NVL: variants seen among roughly 807,000 people sequenced by gnomAD.
NVL encodes nuclear VCP like, also known as nuclear valosin-containing protein-like.
A neutral mutation model predicts 110.2 loss-of-function variants in NVL; 84 were observed. The ratio of observed to expected loss-of-function variants is 0.76; its 90% CI spans 0.64 to 0.91. The LOEUF (loss-of-function observed/expected upper bound fraction) is 0.91, where lower values mean the gene tolerates loss of function less well. Ranked by LOEUF, NVL falls within the 40% of genes least tolerant of loss-of-function variation. The probability of loss-of-function intolerance (pLI) is 0.00; values close to 1 mark genes in which losing one functional copy is unlikely to be tolerated. For missense variants in NVL, 882 were observed against 1,035.9 expected (o/e 0.85, Z 2.04); for synonymous variants, 354 against 361.1 (o/e 0.98, Z 0.22).
intron 4 of NVL, 48 bp from the exon 5 acceptor site, chr1:224,311,905 C>T (rs778491668): frequency 6.9e-7 from 1 of 1,457,652 alleles, no homozygotes; most frequent in African/African-American, 1.4e-5. Context: ...TCTCCCATAT[C>T]CTAAAAAAAT....
In NVL at chr1:224,308,156, T is replaced by C. The variant is rs1669121142; in HGVS notation, c.450A>G (p.Thr150=). The C allele has an allele frequency of 6.2e-7, 1 of 1,613,992 alleles. No individual in the cohort carries two copies. Among genetic ancestry groups the C allele is most frequent in the African/African-American group, 1.3e-5 (1 of 74,918 alleles). The change falls in exon 6 of 23, where the codon ACA becomes ACG. Residue 150 remains threonine (T), a synonymous_variant. Coordinates refer to ENST00000281701, the MANE Select transcript of NVL (RefSeq NM_002533.4). ...EMEQRETTSS[T]PRISSKTGSI... ...AGCCTGTTTTGGAACTTATCCGTGG[T>C]GTTGAAGAGGTGGTTTCTCTTTGCT...
chr1:224,307,721 A>G (rs1320302364), intron 6 of NVL, among the ~76,000 whole-genome samples: 6 of 133,694 alleles, frequency 4.5e-5, no homozygotes, highest in Non-Finnish European at 6.5e-5. Flanking sequence ...AAAAAAAAAA[A>G]GCTATCTCTC....
chr1:224,244,198 T>C (rs1661541711), intron 19 of NVL, among the ~76,000 whole-genome samples: 2 of 150,916 alleles, frequency 1.3e-5, no homozygotes, highest in Admixed American at 6.6e-5. Flanking sequence ...AAAAACCCTG[T>C]CTCTACTAAA....
intron 10 of NVL, chr1:224,297,592 A>G (rs1424710090): frequency 6.5e-6 from 1 of 154,640 alleles, no homozygotes; most frequent in Non-Finnish European, 1.4e-5. Context: ...ACACTTAAAA[A>G]TGTTTAAAAT....
intron 4 of NVL, chr1:224,312,696 C>G (rs1204816778): frequency 6.6e-6 from 1 of 151,818 alleles, no homozygotes; most frequent in Non-Finnish European, 1.5e-5. Context: ...GAAAATACGC[C>G]TGTAATCCCA....
intron 18 of NVL, among the ~76,000 whole-genome samples, chr1:224,257,407 T>C (rs1455819448): frequency 6.6e-6 from 1 of 152,236 alleles, no homozygotes; most frequent in Non-Finnish European, 1.5e-5. Context: ...GAAAACATTA[T>C]TTTGTTATAA....
rs375233840 is a variant in NVL at position 224,303,790 on chromosome 1, G to T, written c.893C>A (p.Pro298His). The T allele has an allele frequency of 6.2e-7, 1 of 1,613,574 alleles. No individual in the cohort carries two copies. Among genetic ancestry groups the T allele is most frequent in the Non-Finnish European group, 8.5e-7 (1 of 1,179,768 alleles). ...EVYHHLGVVP[P>H]RGVLLHGPPG... ...TGGTCCATGAAGGAGAACTCCACGA[G>T]GGGGCACGACGCCCAGGTGGTGGTA... is the stretch of plus-strand genomic sequence containing the variant. The change falls in exon 9 of 23, where the codon CCT becomes CAT. Residue 298 changes from proline to histidine, a missense_variant. Physicochemically the swap from Pro to His is moderately conservative, Grantham distance 77. Transcript: ENST00000281701.
chr1:224,228,247 A>G (rs1659410776), intron 22 of NVL, among the ~76,000 whole-genome samples: 1 of 152,122 alleles, frequency 6.6e-6, no homozygotes, highest in African/African-American at 2.4e-5. Flanking sequence ...CTAATTAGTG[A>G]AGAAAGCACA....
intron 18 of NVL, among the ~76,000 whole-genome samples, chr1:224,259,115 G>T (rs1439034318): frequency 6.6e-6 from 1 of 151,108 alleles, no homozygotes; most frequent in Non-Finnish European, 1.5e-5. Flanking sequence ...TTGAGATAGG[G>T]TCTCACTCTG....
intron 5 of NVL, among the ~76,000 whole-genome samples, chr1:224,309,397 T>C (rs963757301): frequency 1.3e-5 from 2 of 151,992 alleles, no homozygotes; most frequent in African/African-American, 4.8e-5. Flanking sequence ...CACATGCCTG[T>C]TATCCTAGCT....
Position 224,287,960 on chromosome 1 carries a change from C to T in NVL, c.1609G>A (p.Asp537Asn). The change falls in exon 14 of 23, where the codon GAC becomes AAC. Residue 537 changes from aspartate to asparagine, a missense_variant. Asp to Asn is a conservative substitution (Grantham distance 23). Around this residue, in one of 4 missense-constraint regions of NVL, gnomAD observed 416 missense variants for 499.3 expected, o/e 0.83. Transcript: ENST00000281701. ...TGCTCCTCTGAGAGGGGATCTTGGTCTCTTAGCAACCCCAGCAGCCTTTGT... is the reference window on the plus strand; with the variant it reads ...TGCTCCTCTGAGAGGGGATCTTGGTTTCTTAGCAACCCCAGCAGCCTTTGT... ...ELQRLLGLLR[D>N]QDPLSEEQMQ... 3 of 1,613,468 alleles carry T rather than the reference C, an allele frequency of 1.9e-6. 1 individual carries two copies. Among genetic ancestry groups the T allele is most frequent in the Non-Finnish European group, 2.5e-6 (3 of 1,180,006 alleles).
chr1:224,302,461 A>G (rs778916657), intron 9 of NVL, among the ~76,000 whole-genome samples: 10 of 152,164 alleles, frequency 6.6e-5, no homozygotes, highest in Non-Finnish European at 1.3e-4. Flanking sequence ...TCGGCCTCCC[A>G]AAGTGCTGGG....
chr1:224,250,903 C>A (rs1328240432), intron 18 of NVL, among the ~76,000 whole-genome samples: 1 of 152,138 alleles, frequency 6.6e-6, no homozygotes, highest in East Asian at 1.9e-4. Context: ...GCAATCCGCC[C>A]TTCTCGGCCT....
At chr1:224,269,778 T>A (rs1664878628) in intron 17 of NVL, 1 of 147,982 alleles carries the variant, frequency 6.8e-6, no homozygotes, top group African/African-American at 2.5e-5. Context: ...GACAGGGGTC[T>A]TGTTCTGTCA....
At chr1:224,327,538 G>A (rs1671259563) in intron 1 of NVL, among the ~76,000 whole-genome samples, 1 of 152,028 alleles carries the variant, frequency 6.6e-6, no homozygotes, top group South Asian at 2.1e-4. Context: ...TGTGTAAGGT[G>A]TATATGAAAC....
intron 10 of NVL, chr1:224,297,633 G>T: frequency 5.7e-6 from 1 of 175,216 alleles, no homozygotes; most frequent in Non-Finnish European, 1.3e-5. Flanking sequence ...CCATCTTCCA[G>T]TAATTCACCA....
chr1:224,236,140 T>C (rs1171988136), intron 20 of NVL, among the ~76,000 whole-genome samples: 2 of 152,318 alleles, frequency 1.3e-5, no homozygotes, highest in Admixed American at 1.3e-4. Context: ...TTTCCTGATG[T>C]TACTACAGGC....
chr1:224,327,112 G>A (rs1394108446), intron 1 of NVL, among the ~76,000 whole-genome samples: 1 of 152,118 alleles, frequency 6.6e-6, no homozygotes, highest in East Asian at 1.9e-4. Flanking sequence ...CTGCACTCCA[G>A]CCTGGATAAC....
Position 224,330,052 on chromosome 1 carries a change from A to G in NVL, c.57+19T>C. 1 of 1,613,528 alleles carries G rather than the reference A, an allele frequency of 6.2e-7. No homozygotes were observed. The highest frequency in any genetic ancestry group is 8.5e-7 in the Non-Finnish European group (1 of 1,179,618). ...GCGATCGGGGCCCTTGGCGAGGCCA[A>G]GCGGTGCAGAATACACACCTGGATG... On this transcript the variant is annotated intron_variant, in intron 1 of 22. Transcript: ENST00000281701.
Sources: gnomAD v4.1 joint callset for allele counts (sites outside exome capture counted in the v4.1 genomes callset) on GRCh38, gnomAD v4.1.1 for gene constraint, gnomAD v4.1.1 regional missense constraint, MANE v1.5 for transcripts, NCBI Gene and HGNC (gene_info 2026-07-23, HGNC 2026-07-21) for gene names.